Variants in PLXNA2 observed in about 807,000 individuals in gnomAD.
PLXNA2 encodes plexin-A2.
In PLXNA2, 91 loss-of-function variants were observed where a neutral mutation model predicts 193.5. The ratio of observed to expected loss-of-function variants is 0.47; its 90% CI spans 0.40 to 0.56. The LOEUF is 0.56. Among genes scored for constraint, PLXNA2 ranks in the 20% least tolerant of loss-of-function variants. The pLI, the probability that PLXNA2 is intolerant of heterozygous loss-of-function variation, is 0.00. For synonymous variants in PLXNA2, 997 were observed against 1,027.3 expected (o/e 0.97, Z 0.56); for missense variants, 1,995 against 2,503.2 (o/e 0.80, Z 4.33).
At chr1:208,046,698 G>C (rs952230977) in intron 17 of PLXNA2, among the ~76,000 whole-genome samples, 1 of 151,680 alleles carries the variant, frequency 6.6e-6, no homozygotes. Context: ...AGGAGAGGGA[G>C]GGGGAAGGGA....
chr1:208,155,954 C>G (rs2102505958), intron 3 of PLXNA2, among the ~76,000 whole-genome samples: 1 of 152,332 alleles, frequency 6.6e-6, no homozygotes, highest in South Asian at 2.1e-4. Context: ...CTGCCTGACA[C>G]CAGGACCTCC....
At chr1:208,090,188 C>T (rs913626247) in intron 9 of PLXNA2, among the ~76,000 whole-genome samples, 1 of 152,094 alleles carries the variant, frequency 6.6e-6, no homozygotes, top group Non-Finnish European at 1.5e-5. Context: ...TCCGGACAGC[C>T]AATCCCTGGG....
chr1:208,195,655 G>C (rs397863568), intron 3 of PLXNA2, among the ~76,000 whole-genome samples: 4,613 of 151,566 alleles, frequency 0.03, 146 homozygotes, highest in East Asian at 0.12. Context: ...GTTTTTTGGG[G>C]GGGGGGGTTA....
chr1:208,124,093 A>G (rs1259420154), intron 4 of PLXNA2, among the ~76,000 whole-genome samples: 1 of 152,210 alleles, frequency 6.6e-6, no homozygotes, highest in East Asian at 1.9e-4. Context: ...CATAAAAAGT[A>G]GAACCAATCC....
chr1:208,029,252 G>A (rs1664428734), intron 29 of PLXNA2: 1 of 1,387,244 alleles, frequency 7.2e-7, no homozygotes, highest in Admixed American at 2.9e-5. Flanking sequence ...TACCCTAATG[G>A]GGGCACTGAC....
intron 3 of PLXNA2, among the ~76,000 whole-genome samples, chr1:208,194,505 A>T (rs952263040): frequency 4.0e-5 from 6 of 151,380 alleles, no homozygotes. Flanking sequence ...ACATACATGC[A>T]GTATAATATC....
At chr1:208,222,304 T>C (rs998440047) in intron 1 of PLXNA2, among the ~76,000 whole-genome samples, 1 of 152,218 alleles carries the variant, frequency 6.6e-6, no homozygotes, top group Non-Finnish European at 1.5e-5. Context: ...AAGTCACTTG[T>C]CACATGCATT....
At chr1:208,240,090 T>G (rs1671998257) in intron 1 of PLXNA2, among the ~76,000 whole-genome samples, 1 of 152,228 alleles carries the variant, frequency 6.6e-6, no homozygotes. Context: ...TGCTCAGGCC[T>G]CAGCCATTTC....
At position 208,151,695 on chromosome 1, in the gene PLXNA2, C is replaced by A. The variant is rs539820342; in HGVS notation, c.1372-9232G>T. ...AAATTCAGGGATATAAACATGAATACTCTTCAAAACTCTGAGGTAGGCATT... is the reference window on the plus strand; with the variant it reads ...AAATTCAGGGATATAAACATGAATAATCTTCAAAACTCTGAGGTAGGCATT... On this transcript the variant is annotated intron_variant, in intron 3 of 31. Coordinates refer to ENST00000367033, the MANE Select transcript of PLXNA2 (RefSeq NM_025179.4). Among the ~76,000 whole-genome samples the A allele has an allele frequency of 1.4e-3, 210 of 152,312 alleles. 1 individual carries two copies. The highest frequency in any genetic ancestry group is 2.0e-3 in the Non-Finnish European group (133 of 68,030).
Position 208,191,931 on chromosome 1 carries a change from C to T in PLXNA2, c.1371+18349G>A, listed in dbSNP as rs147695559. On this transcript the variant is annotated intron_variant, in intron 3 of 31. Transcript: ENST00000367033. ...CCCGAGGTGAGAACAAGCATGAAGA[C>T]GTGTCAGGGTCAGGGATCCACGAGG... 3.3e-3 allele frequency among the ~76,000 whole-genome samples: 503 copies of T among 152,260 alleles called. 3 individuals are homozygous for T. The highest frequency in any genetic ancestry group is 5.4e-3 in the East Asian group (28 of 5,170).
At chr1:208,224,328 T>G (rs1439602213) in intron 1 of PLXNA2, among the ~76,000 whole-genome samples, 1 of 126,220 alleles carries the variant, frequency 7.9e-6, no homozygotes, top group Non-Finnish European at 1.5e-5. Flanking sequence ...TGATTCTCAT[T>G]GAGAACCAAG....
chr1:208,039,424 C>A (rs911982744), intron 24 of PLXNA2, among the ~76,000 whole-genome samples, 197 bp downstream of exon 24: 4 of 145,974 alleles, frequency 2.7e-5, no homozygotes, highest in Non-Finnish European at 6.0e-5. Context: ...TAGGATAAAC[C>A]GAGGCATAGA....
chr1:208,042,457 C>T, intron 21 of PLXNA2, 91 bp from the exon 22 acceptor site: 4 of 1,416,422 alleles, frequency 2.8e-6, no homozygotes, highest in Non-Finnish European at 3.9e-6. Context: ...CTGGCGATGA[C>T]ACTAGCTGTA....
At chr1:208,027,676 T>C (rs1664381854) in intron 31 of PLXNA2, among the ~76,000 whole-genome samples, 2 of 152,250 alleles carry the variant, frequency 1.3e-5, no homozygotes, top group Admixed American at 6.5e-5. Context: ...GGTCCACCTG[T>C]CTATCTGAAA....
intron 22 of PLXNA2, among the ~76,000 whole-genome samples, chr1:208,041,881 T>A (rs1237036816): frequency 6.6e-6 from 1 of 152,238 alleles, no homozygotes; most frequent in Admixed American, 6.5e-5. Flanking sequence ...TCTGAGCTCA[T>A]CCATCACACC....
At chr1:208,165,123 C>T (rs1376728881) in intron 3 of PLXNA2, among the ~76,000 whole-genome samples, 2 of 152,162 alleles carry the variant, frequency 1.3e-5, no homozygotes, top group Admixed American at 6.5e-5. Context: ...AGCCATGTAG[C>T]AAATGAGGAC....
intron 4 of PLXNA2, among the ~76,000 whole-genome samples, chr1:208,138,497 A>T (rs1384001081): frequency 6.6e-6 from 1 of 152,236 alleles, no homozygotes; most frequent in Non-Finnish European, 1.5e-5. Flanking sequence ...GTACATATCC[A>T]TAACCAAACC....
chr1:208,073,785 G>GAC (rs1355548865), intron 12 of PLXNA2, among the ~76,000 whole-genome samples: 4 of 151,932 alleles, frequency 2.6e-5, no homozygotes, highest in Admixed American at 2.0e-4. Flanking sequence ...AAAATAGGGA[G>GAC]ACAGACACAC....
Position 208,044,815 on chromosome 1 carries a change from A to G in PLXNA2, c.3640-73T>C. ...AGCCCGGGCATGCCAGCAGATCCTTACAGTGCGAGGAAGGACATGACAGAC... is the reference window on the plus strand; with the variant it reads ...AGCCCGGGCATGCCAGCAGATCCTTGCAGTGCGAGGAAGGACATGACAGAC... On this transcript the variant is annotated intron_variant, in intron 19 of 31. Transcript: ENST00000367033. The surrounding 1 kb of genome is among the most constrained non-coding windows in gnomAD (Gnocchi z 4.9). The G allele has an allele frequency of 3.2e-6, 4 of 1,240,530 alleles. No homozygotes were observed. Among genetic ancestry groups the G allele is most frequent in the East Asian group, 5.0e-5 (2 of 40,236 alleles). 76.8% of individuals were successfully genotyped at this position (1,240,530 alleles called of 1,614,324 possible).
Sources: allele counts gnomAD v4.1 joint callset (sites outside exome capture counted in the v4.1 genomes callset), GRCh38; gene constraint gnomAD v4.1.1; non-coding constraint Gnocchi (gnomAD v3.1); transcripts MANE v1.5; gene names NCBI Gene and HGNC (gene_info 2026-07-23, HGNC 2026-07-21).